Variants in PRIMPOL observed in about 807,000 individuals in gnomAD.
PRIMPOL encodes primase and DNA directed polymerase.
PRIMPOL carries 54 observed loss-of-function variants against 63.6 expected under a neutral mutation model. The ratio of observed to expected loss-of-function variants is 0.85; its 90% CI spans 0.68 to 1.07. The LOEUF is 1.07. Ranked by LOEUF, PRIMPOL falls within the 50% of genes least tolerant of loss-of-function variation. The probability of loss-of-function intolerance (pLI) is 0.00; values close to 1 mark genes in which losing one functional copy is unlikely to be tolerated. For missense variants in PRIMPOL, 610 were observed against 648.3 expected (o/e 0.94, Z 0.64); for synonymous variants, 197 against 220.2 (o/e 0.89, Z 0.93).
chr4:184,683,422 CA>C (rs56794700), intron 9 of PRIMPOL, among the ~76,000 whole-genome samples: 2,231 of 122,654 alleles, frequency 0.018, 23 homozygotes, highest in African/African-American at 0.043. Context: ...GACTCCATCT[CA>C]AAAAAAAAAA....
intron 13 of PRIMPOL, among the ~76,000 whole-genome samples, chr4:184,693,446 A>ATAAC (rs1491491743): frequency 1.3e-5 from 2 of 152,208 alleles, no homozygotes; most frequent in Non-Finnish European, 2.9e-5. Context: ...CTACTTGGAC[A>ATAAC]TAACTTTTTA....
chr4:184,673,380 C>T (rs1368424867), intron 7 of PRIMPOL, among the ~76,000 whole-genome samples: 2 of 151,478 alleles, frequency 1.3e-5, no homozygotes, highest in Non-Finnish European at 2.9e-5. Context: ...CCGCCCGCCT[C>T]GGCCTCCCAA....
At chr4:184,661,305 C>T (rs934412312) in intron 4 of PRIMPOL, among the ~76,000 whole-genome samples, 7 of 152,132 alleles carry the variant, frequency 4.6e-5, no homozygotes, top group Admixed American at 3.9e-4. Context: ...AGCCATAAAC[C>T]TATGGTGAAC....
chr4:184,680,011 G>A (rs1319734237), intron 8 of PRIMPOL, among the ~76,000 whole-genome samples: 1 of 152,180 alleles, frequency 6.6e-6, no homozygotes, highest in African/African-American at 2.4e-5. Context: ...CCTGCTAGAT[G>A]TCATTTCTCT....
chr4:184,682,036 A>T (rs550965687), intron 8 of PRIMPOL, among the ~76,000 whole-genome samples: 27 of 152,328 alleles, frequency 1.8e-4, no homozygotes, highest in African/African-American at 5.5e-4. Flanking sequence ...TTTTAAAAAA[A>T]TTATTTTCTT....
rs528225111 is a variant in PRIMPOL at position 184,664,333 on chromosome 4, A to G, written c.409-1584A>G. Among the ~76,000 whole-genome samples the G allele has an allele frequency of 2.0e-5, 3 of 152,388 alleles. No individual in the cohort carries two copies. The South Asian group carries it at 6.2e-4, about 32-fold the overall frequency. On this transcript the variant is annotated intron_variant, in intron 5 of 13. Coordinates refer to ENST00000314970, the MANE Select transcript of PRIMPOL (RefSeq NM_152683.4). ...TTACCAAGTGGTAAGTCAAAGAGAC[A>G]TAATGTCTGATGGCATACACTTTGT...
At chr4:184,681,552 TG>T (rs1416395155) in intron 8 of PRIMPOL, among the ~76,000 whole-genome samples, 3 of 151,796 alleles carry the variant, frequency 2.0e-5, no homozygotes, top group Non-Finnish European at 2.9e-5. Flanking sequence ...TTATTTTTAT[TG>T]TTTTTTTATT....
chr4:184,663,201 T>C (rs1195299688), intron 5 of PRIMPOL, among the ~76,000 whole-genome samples: 1 of 151,866 alleles, frequency 6.6e-6, no homozygotes, highest in Non-Finnish European at 1.5e-5. Context: ...TGTGCCACCA[T>C]ACCTGGCTAA....
intron 6 of PRIMPOL, among the ~76,000 whole-genome samples, chr4:184,668,377 G>A (rs921849519): frequency 6.6e-6 from 1 of 152,244 alleles, no homozygotes; most frequent in Non-Finnish European, 1.5e-5. Flanking sequence ...GCTAGAGTGC[G>A]CTGATTCTGC....
At chr4:184,694,240 C>A (rs1416902635) in intron 13 of PRIMPOL, 21 of 1,116,696 alleles carry the variant, frequency 1.9e-5, no homozygotes, top group Non-Finnish European at 2.3e-5. Flanking sequence ...AAAATTAAAT[C>A]CACCCTTGCT....
intron 6 of PRIMPOL, among the ~76,000 whole-genome samples, 182 bp from the exon 7 acceptor site, chr4:184,671,991 C>T (rs1322389450): frequency 5.9e-5 from 9 of 152,302 alleles, no homozygotes; most frequent in East Asian, 1.9e-4. Context: ...CCGCCCGCCT[C>T]GGCCTCCCAA....
rs185964850 is a variant in PRIMPOL, at chr4:184,670,593, G to C, written c.557-1580G>C. On this transcript the variant is annotated intron_variant, in intron 6 of 13. Transcript: ENST00000314970. ...GACAAGAGTCTCACTCTGTCACCTA[G>C]GCTGGAGTGCAGTGGCATGATCTTG... Among the ~76,000 whole-genome samples, 38 of 145,286 alleles carry C rather than the reference G, an allele frequency of 2.6e-4. No homozygotes were observed. The East Asian group carries it at 6.1e-3, about 23-fold the overall frequency.
chr4:184,666,180 A>T (rs1042498358), intron 6 of PRIMPOL, 116 bp downstream of exon 6: 7 of 776,486 alleles, frequency 9.0e-6, no homozygotes, highest in African/African-American at 1.8e-5. Context: ...TTATCCTAAA[A>T]AATGCGATGT....
chr4:184,651,290 C>CAAA (rs1203681677), intron 1 of PRIMPOL, among the ~76,000 whole-genome samples: 3 of 143,932 alleles, frequency 2.1e-5, no homozygotes, highest in African/African-American at 8.5e-5. Context: ...GACTCTGTCT[C>CAAA]AAAAAAAAGA....
intron 2 of PRIMPOL, among the ~76,000 whole-genome samples, chr4:184,655,170 T>G (rs921273915): frequency 6.6e-6 from 1 of 150,974 alleles, no homozygotes; most frequent in Non-Finnish European, 1.5e-5. Flanking sequence ...CCACCACGCC[T>G]GGCTAATTTT....
At chr4:184,671,230 T>TC (rs1490217486) in intron 6 of PRIMPOL, among the ~76,000 whole-genome samples, 1 of 152,202 alleles carries the variant, frequency 6.6e-6, no homozygotes, top group Non-Finnish European at 1.5e-5. Flanking sequence ...GAGGCCGTAG[T>TC]CCATCGTGTG....
Position 184,659,379 on chromosome 4 carries a change from G to A in PRIMPOL, c.220G>A (p.Gly74Arg). Residue 74 changes from glycine (G) to arginine (R), a missense_variant, in exon 4 of 14, where the codon GGA becomes AGA. Physicochemically the swap from Gly to Arg is moderately radical, Grantham distance 125 (BLOSUM62 -2). This residue lies in a region of PRIMPOL where 159 missense variants were observed against 168.9 expected (regional missense o/e 0.94). Coordinates refer to ENST00000314970, the MANE Select transcript of PRIMPOL (RefSeq NM_152683.4). ...TGCTTTGGAATGCAAAGTAGGAGAT[G>A]GACAACGTATTTACCTTGTGACAAC... The part of the protein sequence containing the change: ...VFALECKVGD[G>R]QRIYLVTTYA... The A allele has an allele frequency of 1.2e-6, 2 of 1,613,888 alleles. No homozygotes were observed. Among genetic ancestry groups the A allele is most frequent in the South Asian group, 1.1e-5 (1 of 91,074 alleles).
chr4:184,650,781 G>A (rs1579229600), intron 1 of PRIMPOL, among the ~76,000 whole-genome samples: 1 of 152,298 alleles, frequency 6.6e-6, no homozygotes, highest in Admixed American at 6.5e-5. Flanking sequence ...GGACCCCATG[G>A]CAGAGCCTGT....
chr4:184,694,178 G>A, intron 13 of PRIMPOL: 1 of 1,024,696 alleles, frequency 9.8e-7, no homozygotes, highest in Non-Finnish European at 1.2e-6. Flanking sequence ...CCATTGTCAA[G>A]ATAGCAAATT....
Sources: allele counts gnomAD v4.1 joint callset (sites outside exome capture counted in the v4.1 genomes callset), GRCh38; gene constraint gnomAD v4.1.1; regional missense constraint gnomAD v4.1.1; transcripts MANE v1.5; gene names NCBI Gene and HGNC (gene_info 2026-07-23, HGNC 2026-07-21).